PCDHGA3: variants seen among roughly 807,000 people sequenced by gnomAD.
The protein encoded by PCDHGA3 is protocadherin gamma-A3.
Under a neutral mutation model 58.5 loss-of-function variants are expected in PCDHGA3, and 40 were observed. The ratio of observed to expected loss-of-function variants is 0.68; its 90% CI spans 0.53 to 0.89. The LOEUF is 0.89. Ranked by LOEUF, PCDHGA3 falls within the 40% of genes least tolerant of loss-of-function variation. The pLI, the probability that PCDHGA3 is intolerant of heterozygous loss-of-function variation, is 0.00. For missense variants in PCDHGA3, 1,223 were observed against 1,195.9 expected, an observed-to-expected ratio of 1.02 and a Z score of -0.33; for synonymous variants, 530 against 525.7, an observed-to-expected ratio of 1.01 and a Z score of -0.11.
At chr5:141,452,084 C>CGG (rs1561946918) in intron 1 of PCDHGA3, among the ~76,000 whole-genome samples, 1 of 152,170 alleles carries the variant, frequency 6.6e-6, no homozygotes, top group Non-Finnish European at 1.5e-5. Context: ...TGGCATTATA[C>CGG]AGTAAGAAAG....
At chr5:141,492,778 G>A (rs2099743821) in intron 1 of PCDHGA3, among the ~76,000 whole-genome samples, 1 of 152,250 alleles carries the variant, frequency 6.6e-6, no homozygotes, top group South Asian at 2.1e-4. Context: ...GAGTGAGTGA[G>A]CCTCTATAGG....
intron 3 of PCDHGA3, among the ~76,000 whole-genome samples, chr5:141,509,089 G>C (rs1366018197): frequency 6.6e-6 from 1 of 152,158 alleles, no homozygotes; most frequent in Non-Finnish European, 1.5e-5. Context: ...ACATGAAATG[G>C]GGGCTGTAGA....
chr5:141,459,444 T>C (rs1485634547), intron 1 of PCDHGA3, among the ~76,000 whole-genome samples: 1 of 152,244 alleles, frequency 6.6e-6, no homozygotes, highest in Non-Finnish European at 1.5e-5. Context: ...TTCATTCAAC[T>C]GTTGGTGGAC....
intron 1 of PCDHGA3, chr5:141,415,863 G>T (rs1321470910): frequency 2.7e-5 from 30 of 1,107,154 alleles, no homozygotes; most frequent in Non-Finnish European, 3.6e-5. Context: ...GTAGTTTATA[G>T]TGTTGTTGAG....
At chr5:141,383,314 A>C (rs1362079173) in intron 1 of PCDHGA3, 4 of 1,613,886 alleles carry the variant, frequency 2.5e-6, no homozygotes, top group Non-Finnish European at 8.5e-7. Flanking sequence ...GGAAGAAATA[A>C]ATGTAAAAAT....
intron 1 of PCDHGA3, chr5:141,370,241 T>A (rs1442707721): frequency 4.8e-6 from 3 of 626,086 alleles, no homozygotes; most frequent in Non-Finnish European, 7.8e-6. Flanking sequence ...GGAAGAAAAG[T>A]GCACTCTCTA....
intron 1 of PCDHGA3, among the ~76,000 whole-genome samples, chr5:141,368,919 AG>A (rs1297427818): frequency 1.3e-5 from 2 of 152,176 alleles, no homozygotes; most frequent in Non-Finnish European, 2.9e-5. Flanking sequence ...GGTGACAATG[AG>A]TGTCTGTCTA....
intron 1 of PCDHGA3, chr5:141,357,737 T>G: frequency 7.7e-7 from 1 of 1,301,834 alleles, no homozygotes. Flanking sequence ...AATATTTTAT[T>G]GCTTTAAAGA....
rs761472193 is a variant in PCDHGA3 at position 141,370,472 on chromosome 5, C to A, written c.2424+24015C>A. 115 of 1,613,332 alleles carry A rather than the reference C, an allele frequency of 7.1e-5. No individual in the cohort carries two copies. The Admixed American group carries it at 1.9e-3, about 27-fold the overall frequency. On this transcript the variant is annotated intron_variant, in intron 1 of 3. Transcript: ENST00000253812. ...TTCTCTTCCTGCTCTCTTTGTTAGA[C>A]CAGGCTCTCTCCGAACCGATCCGCT...
At position 141,485,272 on chromosome 5, in the gene PCDHGA3, C is replaced by T. The variant is rs764196730; in HGVS notation, c.2425-9535C>T. The T allele has an allele frequency of 1.9e-6, 3 of 1,613,948 alleles. No homozygotes were observed. The highest frequency in any genetic ancestry group is 2.7e-5 in the African/African-American group (2 of 74,932). On this transcript the variant is annotated intron_variant, in intron 1 of 3. Transcript: ENST00000253812. The surrounding 1 kb of genome is among the most constrained non-coding windows in gnomAD (Gnocchi z 5.7). ...GTTACGTTTGTGGGCAGATCCGCTACCCGGTCCCAGAGGAGTCACAGGAAG... is the reference window on the plus strand; with the variant it reads ...GTTACGTTTGTGGGCAGATCCGCTATCCGGTCCCAGAGGAGTCACAGGAAG...
At position 141,384,236 on chromosome 5, in the gene PCDHGA3, A is replaced by G. The variant is rs199759698; in HGVS notation, c.2424+37779A>G. On this transcript the variant is annotated intron_variant, in intron 1 of 3. Transcript: ENST00000253812. ...ATATTCATGCAGGTGGCAGACACCA[A>G]CGATAACCCACCCACCTTCCCCCAC... The G allele has an allele frequency of 1.1e-4, 176 of 1,613,768 alleles. No homozygotes were observed. The highest frequency in any genetic ancestry group is 1.5e-4 in the Non-Finnish European group (172 of 1,179,900).
At chr5:141,447,834 C>T (rs2098552835) in intron 1 of PCDHGA3, among the ~76,000 whole-genome samples, 1 of 151,844 alleles carries the variant, frequency 6.6e-6, no homozygotes, top group African/African-American at 2.4e-5. Flanking sequence ...GCCTGTAATC[C>T]CAGTGCTTTG....
chr5:141,375,006 A>G (rs774947515), intron 1 of PCDHGA3: 25 of 1,613,884 alleles, frequency 1.5e-5, no homozygotes, highest in Non-Finnish European at 1.8e-5. Context: ...GCAAATCTAG[A>G]CTATGAGGAC....
chr5:141,413,541 GATAGAA>G (rs2095653692), intron 1 of PCDHGA3: 1 of 1,613,904 alleles, frequency 6.2e-7, no homozygotes, highest in Non-Finnish European at 8.5e-7. Flanking sequence ...AACTTTTTGG[GATAGAA>G]ATAGAAGTAA....
chr5:141,409,988 G>A (rs373071156), intron 1 of PCDHGA3: 43 of 1,613,160 alleles, frequency 2.7e-5, no homozygotes, highest in African/African-American at 5.3e-5. Context: ...AGCGGTGGAC[G>A]CCGACTCGGG....
intron 1 of PCDHGA3, chr5:141,384,966 C>A: frequency 6.2e-7 from 1 of 1,614,142 alleles, no homozygotes; most frequent in South Asian, 1.1e-5. Flanking sequence ...ACTATGACCT[C>A]ACGTTGTACC....
At chr5:141,497,018 A>G (rs988584487) in intron 2 of PCDHGA3, among the ~76,000 whole-genome samples, 1 of 152,084 alleles carries the variant, frequency 6.6e-6, no homozygotes, top group Non-Finnish European at 1.5e-5. Flanking sequence ...GTGAAACCCC[A>G]TCTCGATTAA....
chr5:141,475,768 G>A (rs756539564), intron 1 of PCDHGA3, among the ~76,000 whole-genome samples: 5 of 152,280 alleles, frequency 3.3e-5, no homozygotes, highest in South Asian at 2.1e-4. Flanking sequence ...TACTGGCAAG[G>A]CGCTTTGGCT....
chr5:141,393,115 G>C (rs1342924521), intron 1 of PCDHGA3: 42 of 1,613,320 alleles, frequency 2.6e-5, no homozygotes, highest in Non-Finnish European at 3.6e-5. Context: ...CAGAGCCCGC[G>C]GTGTCTGATA....
Sources: gnomAD v4.1 joint callset for allele counts (sites outside exome capture counted in the v4.1 genomes callset) on GRCh38, gnomAD v4.1.1 for gene constraint, Gnocchi (gnomAD v3.1) non-coding constraint, MANE v1.5 for transcripts, NCBI Gene and HGNC (gene_info 2026-07-23, HGNC 2026-07-21) for gene names.